Variants in LDLRAD3 observed in about 807,000 individuals in gnomAD.
LDLRAD3 encodes the protein low-density lipoprotein receptor class A domain-containing protein 3.
A neutral mutation model predicts 29.4 loss-of-function variants in LDLRAD3; 20 were observed. The ratio of observed to expected loss-of-function variants is 0.68; its 90% CI spans 0.48 to 0.99. The LOEUF is 0.99. Among genes scored for constraint, LDLRAD3 ranks in the 50% least tolerant of loss-of-function variants. The probability of loss-of-function intolerance (pLI) is 0.00; values close to 1 mark genes in which losing one functional copy is unlikely to be tolerated. For missense variants in LDLRAD3, 420 were observed against 454.3 expected (o/e 0.92, Z 0.69); for synonymous variants, 157 against 192.7 (o/e 0.81, Z 1.53).
At chr11:36,132,434 CTGTG>C (rs1272567309) in intron 4 of LDLRAD3, among the ~76,000 whole-genome samples, 1 of 152,176 alleles carries the variant, frequency 6.6e-6, no homozygotes, top group Non-Finnish European at 1.5e-5. Context: ...ACAGTGTTGA[CTGTG>C]TGCCCAACAC....
intron 2 of LDLRAD3, among the ~76,000 whole-genome samples, chr11:36,040,499 T>C (rs967223115): frequency 6.6e-6 from 1 of 152,078 alleles, no homozygotes; most frequent in Non-Finnish European, 1.5e-5. Context: ...CTGTTAACAG[T>C]TTTTCTGTAT....
At chr11:35,975,597 G>A (rs189090840) in intron 1 of LDLRAD3, among the ~76,000 whole-genome samples, 183 of 152,252 alleles carry the variant, frequency 1.2e-3, no homozygotes, top group Middle Eastern at 0.01. Context: ...ACCTGTAGGG[G>A]GTAGAGAACT....
At chr11:35,995,831 A>C (rs1275964040) in intron 1 of LDLRAD3, among the ~76,000 whole-genome samples, 1 of 152,166 alleles carries the variant, frequency 6.6e-6, no homozygotes, top group Non-Finnish European at 1.5e-5. Flanking sequence ...CTCATGAACC[A>C]ATCTCTGCTA....
At chr11:36,019,930 T>G (rs1009882521) in intron 1 of LDLRAD3, among the ~76,000 whole-genome samples, 1 of 152,188 alleles carries the variant, frequency 6.6e-6, no homozygotes, top group Admixed American at 6.5e-5. Flanking sequence ...CACTTGGGCC[T>G]GGCTCTCTTC....
At chr11:36,224,372 AC>A (rs1855470412) in intron 4 of LDLRAD3, among the ~76,000 whole-genome samples, 1 of 152,034 alleles carries the variant, frequency 6.6e-6, no homozygotes, top group Non-Finnish European at 1.5e-5. Context: ...TCCTAACTCT[AC>A]AGCTCTCCCT....
intron 1 of LDLRAD3, among the ~76,000 whole-genome samples, chr11:35,989,282 G>A (rs553300587): frequency 6.6e-6 from 1 of 152,266 alleles, no homozygotes; most frequent in African/African-American, 2.4e-5. Context: ...TAGCCCTATA[G>A]TATAGTTTGA....
rs530047920 is a variant in LDLRAD3, at chr11:36,100,239, T to C, written c.454+1778T>C. Among the ~76,000 whole-genome samples the C allele has an allele frequency of 5.0e-4, 76 of 152,310 alleles. 1 individual carries two copies. The highest frequency in any genetic ancestry group is 6.6e-4 in the Non-Finnish European group (45 of 68,034). On this transcript the variant is annotated intron_variant, in intron 4 of 5. Transcript: ENST00000315571. ...GTCACCTGAGAGAGGTTTATAATCC[T>C]GCCATTTGCCTAGAAATTTCCAAAC...
At chr11:35,994,481 C>G (rs1433187845) in intron 1 of LDLRAD3, among the ~76,000 whole-genome samples, 1 of 151,668 alleles carries the variant, frequency 6.6e-6, no homozygotes, top group Non-Finnish European at 1.5e-5. Flanking sequence ...GAACATCTAG[C>G]CTTCAGTCAG....
At chr11:36,019,195 G>A (rs999423777) in intron 1 of LDLRAD3, among the ~76,000 whole-genome samples, 2 of 152,190 alleles carry the variant, frequency 1.3e-5, no homozygotes. Context: ...AGTGAGCCAT[G>A]CCAGGCAGGG....
At chr11:36,114,776 C>T (rs911732488) in intron 4 of LDLRAD3, among the ~76,000 whole-genome samples, 9 of 152,140 alleles carry the variant, frequency 5.9e-5, no homozygotes, top group Admixed American at 2.0e-4. Context: ...CTCCATGGTG[C>T]GTCTCTCTTC....
chr11:36,219,305 T>C (rs59137935), intron 4 of LDLRAD3, among the ~76,000 whole-genome samples: 10,222 of 151,798 alleles, frequency 0.067, 451 homozygotes, highest in East Asian at 0.2. Flanking sequence ...TTCTATATTA[T>C]TTTTTTTTAA....
chr11:36,163,293 C>T (rs963254098), intron 4 of LDLRAD3: 2 of 152,174 alleles, frequency 1.3e-5, no homozygotes, highest in African/African-American at 4.8e-5. Context: ...GAGTCTATTC[C>T]CTTCCAGCAA....
At chr11:36,054,171 T>C (rs1852571431) in intron 2 of LDLRAD3, among the ~76,000 whole-genome samples, 1 of 152,218 alleles carries the variant, frequency 6.6e-6, no homozygotes, top group South Asian at 2.1e-4. Context: ...TTGTTTTTCA[T>C]TCCAGACAGT....
chr11:36,121,177 G>A (rs10768183), intron 4 of LDLRAD3, among the ~76,000 whole-genome samples: 68,947 of 151,994 alleles, frequency 0.45, 16,120 homozygotes, highest in Admixed American at 0.52. Flanking sequence ...GACCAGAGGA[G>A]TAATCCAGAC....
intron 1 of LDLRAD3, among the ~76,000 whole-genome samples, chr11:35,999,313 T>C (rs2133175877): frequency 6.6e-6 from 1 of 152,298 alleles, no homozygotes; most frequent in African/African-American, 2.4e-5. Context: ...GTTCCTTCAG[T>C]TGGTTGGACT....
At chr11:36,204,147 C>A (rs1468642596) in intron 4 of LDLRAD3, among the ~76,000 whole-genome samples, 1 of 152,130 alleles carries the variant, frequency 6.6e-6, no homozygotes, top group Admixed American at 6.6e-5. Context: ...TATTTATGGG[C>A]AAACTTGGTG....
intron 4 of LDLRAD3, among the ~76,000 whole-genome samples, chr11:36,126,616 A>G (rs780426315): frequency 5.3e-5 from 8 of 152,148 alleles, no homozygotes; most frequent in Non-Finnish European, 8.8e-5. Flanking sequence ...CATCAGGGCT[A>G]TCAGCCTTGT....
chr11:35,992,528 T>C (rs1267360603), intron 1 of LDLRAD3, among the ~76,000 whole-genome samples: 1 of 152,234 alleles, frequency 6.6e-6, no homozygotes. Context: ...AGGAACAAAG[T>C]TCTGATACAT....
rs564808947 is a variant in LDLRAD3 at position 36,208,516 on chromosome 11, C to G, written c.455-18569C>G. ...ATGCCCCTTCCGTAAGTGCCCCAAT[C>G]CCATTCCTGAGGAGAGAGCCTTCCT... On this transcript the variant is annotated intron_variant, in intron 4 of 5. Transcript: ENST00000315571. Among the ~76,000 whole-genome samples, 39 of 152,336 alleles carry G rather than the reference C, an allele frequency of 2.6e-4. 1 individual carries two copies. In the South Asian group the frequency reaches 7.5e-3, roughly 29 times the overall value.
Sources: allele counts gnomAD v4.1 joint callset (sites outside exome capture counted in the v4.1 genomes callset), GRCh38; gene constraint gnomAD v4.1.1; transcripts MANE v1.5; gene names NCBI Gene and HGNC (gene_info 2026-07-23, HGNC 2026-07-21).